Variants in CTIF observed in about 807,000 individuals in gnomAD.
The protein encoded by CTIF is CBP80/20-dependent translation initiation factor.
In CTIF, 21 loss-of-function variants were observed where a neutral mutation model predicts 66.0. The observed-to-expected ratio is 0.32, with a 90% CI of 0.23 to 0.46. The LOEUF (loss-of-function observed/expected upper bound fraction) is 0.46. Ranked by LOEUF, CTIF falls within the 20% of genes least tolerant of loss-of-function variation. CTIF has a pLI of 1.00. For synonymous variants in CTIF, 345 were observed against 326.4 expected, an observed-to-expected ratio of 1.06 and a Z score of -0.62; for missense variants, 739 against 812.7, an observed-to-expected ratio of 0.91 and a Z score of 1.10.
intron 6 of CTIF, among the ~76,000 whole-genome samples, chr18:48,698,993 G>T (rs926644636): frequency 6.6e-6 from 1 of 152,126 alleles, no homozygotes; most frequent in Non-Finnish European, 1.5e-5. Flanking sequence ...CTTCCTGGAC[G>T]AGGACCCACG....
intron 10 of CTIF, among the ~76,000 whole-genome samples, chr18:48,818,633 G>A (rs932380042): frequency 5.9e-5 from 9 of 152,068 alleles, no homozygotes; most frequent in Admixed American, 5.9e-4. Context: ...ATGGAACCAC[G>A]CAGGAAGAGA....
intron 9 of CTIF, among the ~76,000 whole-genome samples, chr18:48,772,488 A>ATAAC (rs959676278): frequency 2.6e-5 from 4 of 151,678 alleles, no homozygotes; most frequent in African/African-American, 4.8e-5. Flanking sequence ...CCCTACAGCA[A>ATAAC]TAACTCCCCT....
At chr18:48,568,633 T>TAAAA (rs58084631) in intron 1 of CTIF, among the ~76,000 whole-genome samples, 536 of 36,620 alleles carry the variant, frequency 0.015, 93 homozygotes, top group Non-Finnish European at 0.021. Context: ...GGGCAATTTG[T>TAAAA]AAAAAAAAAA....
chr18:48,717,657 C>CA (rs1047344709), intron 7 of CTIF, among the ~76,000 whole-genome samples: 12 of 151,974 alleles, frequency 7.9e-5, no homozygotes, highest in African/African-American at 2.9e-4. Context: ...AATTATATCT[C>CA]AATTAAAAAA....
chr18:48,707,657 A>G (rs2092175255), intron 6 of CTIF, among the ~76,000 whole-genome samples: 1 of 150,136 alleles, frequency 6.7e-6, no homozygotes, highest in African/African-American at 2.5e-5. Flanking sequence ...CTCTGAACAC[A>G]TGCCATTCCC....
At chr18:48,592,077 A>G (rs1168449222) in intron 1 of CTIF, among the ~76,000 whole-genome samples, 1 of 152,008 alleles carries the variant, frequency 6.6e-6, no homozygotes, top group East Asian at 1.9e-4. Flanking sequence ...CTACTGAAAC[A>G]CCCCGGTATT....
intron 9 of CTIF, among the ~76,000 whole-genome samples, chr18:48,797,492 A>AGGGGGGGG (rs1226021396): frequency 7.7e-6 from 1 of 129,868 alleles, no homozygotes; most frequent in Non-Finnish European, 1.6e-5. Context: ...AAAAAAGAAA[A>AGGGGGGGG]GGGGTGGGGG....
chr18:48,632,044 G>A (rs962611391), intron 2 of CTIF, among the ~76,000 whole-genome samples: 5 of 152,208 alleles, frequency 3.3e-5, no homozygotes, highest in Non-Finnish European at 7.3e-5. Flanking sequence ...CGGGAGGCAG[G>A]AGGTGGTGGT....
intron 1 of CTIF, among the ~76,000 whole-genome samples, chr18:48,600,677 C>T (rs1383477658): frequency 6.6e-6 from 1 of 151,818 alleles, no homozygotes; most frequent in African/African-American, 2.4e-5. Context: ...TCTCGGTGTC[C>T]CCAGCTCTGT....
intron 9 of CTIF, among the ~76,000 whole-genome samples, chr18:48,797,085 G>A (rs533669766): frequency 1.5e-4 from 23 of 152,252 alleles, no homozygotes; most frequent in African/African-American, 4.8e-4. Context: ...TCAGCCACCC[G>A]GTAGATGATT....
intron 10 of CTIF, among the ~76,000 whole-genome samples, chr18:48,819,734 C>T (rs901044718): frequency 1.3e-5 from 2 of 152,228 alleles, no homozygotes; most frequent in African/African-American, 4.8e-5. Flanking sequence ...TGGTCTTCTC[C>T]AATTTGTAAA....
At chr18:48,653,792 A>T (rs575391319) in intron 3 of CTIF, among the ~76,000 whole-genome samples, 1 of 152,316 alleles carries the variant, frequency 6.6e-6, no homozygotes, top group African/African-American at 2.4e-5. Flanking sequence ...AGACCAATGG[A>T]ACATAACAGA....
At chr18:48,842,660 C>T (rs1324004650) in intron 10 of CTIF, among the ~76,000 whole-genome samples, 5 of 152,246 alleles carry the variant, frequency 3.3e-5, no homozygotes, top group Admixed American at 6.5e-5. Flanking sequence ...GCTGATTCTA[C>T]AGGCAAGTTA....
chr18:48,608,005 C>G (rs1253445235), intron 1 of CTIF, among the ~76,000 whole-genome samples: 4 of 152,196 alleles, frequency 2.6e-5, no homozygotes, highest in African/African-American at 9.7e-5. Context: ...TTTCCAAGTT[C>G]TGAGGGGGAG....
At chr18:48,782,884 C>T (rs951514384) in intron 9 of CTIF, among the ~76,000 whole-genome samples, 1 of 152,222 alleles carries the variant, frequency 6.6e-6, no homozygotes, top group African/African-American at 2.4e-5. Flanking sequence ...ACCACCCACC[C>T]CCACTCCACT....
intron 10 of CTIF, among the ~76,000 whole-genome samples, chr18:48,838,368 G>T (rs1169185797): frequency 6.6e-6 from 1 of 151,746 alleles, no homozygotes. Flanking sequence ...AGAGTTGAGC[G>T]TGCTGGGCTG....
chr18:48,814,261 A>G (rs1201891885), intron 9 of CTIF, among the ~76,000 whole-genome samples: 1 of 152,182 alleles, frequency 6.6e-6, no homozygotes, highest in Non-Finnish European at 1.5e-5. Context: ...GCACTTGATA[A>G]AGGCCTAGAG....
intron 1 of CTIF, among the ~76,000 whole-genome samples, chr18:48,541,738 A>T (rs545148942): frequency 6.6e-6 from 1 of 152,296 alleles, no homozygotes; most frequent in Admixed American, 6.5e-5. Flanking sequence ...GCAATTTTGT[A>T]ACACATTCTA....
intron 3 of CTIF, among the ~76,000 whole-genome samples, chr18:48,663,450 G>A (rs1447711877): frequency 9.2e-5 from 14 of 152,156 alleles, no homozygotes; most frequent in Non-Finnish European, 1.2e-4. Context: ...TGGTGATGGT[G>A]GCTCTGGGTG....
Sources: gnomAD v4.1 joint callset for allele counts (sites outside exome capture counted in the v4.1 genomes callset) on GRCh38, gnomAD v4.1.1 for gene constraint, MANE v1.5 for transcripts, NCBI Gene and HGNC (gene_info 2026-07-23, HGNC 2026-07-21) for gene names.